RALGAPA2: variants seen among roughly 807,000 people sequenced by gnomAD.
RALGAPA2 encodes the protein ral GTPase-activating protein subunit alpha-2.
In RALGAPA2, 139 loss-of-function variants were observed where a neutral mutation model predicts 230.4. That is an observed-to-expected ratio of 0.60 (90% confidence interval 0.53 to 0.69). RALGAPA2 has a LOEUF of 0.69. RALGAPA2 is among the 30% of genes least tolerant of loss of function. The pLI, the probability that RALGAPA2 is intolerant of heterozygous loss-of-function variation, is 0.00. For synonymous variants in RALGAPA2, 847 were observed against 837.8 expected, an observed-to-expected ratio of 1.01 and a Z score of -0.19; for missense variants, 2,163 against 2,276.0, an observed-to-expected ratio of 0.95 and a Z score of 1.01.
chr20:20,449,319 G>A (rs1267088420), intron 37 of RALGAPA2, among the ~76,000 whole-genome samples: 1 of 152,196 alleles, frequency 6.6e-6, no homozygotes, highest in Non-Finnish European at 1.5e-5. Context: ...CATCCCCAGG[G>A]TTGAGGAAAG....
At chr20:20,517,282 G>A (rs769444918) in intron 31 of RALGAPA2, among the ~76,000 whole-genome samples, 2 of 152,176 alleles carry the variant, frequency 1.3e-5, no homozygotes, top group Non-Finnish European at 2.9e-5. Context: ...GAAACATTAG[G>A]ACAGGAGTGA....
At chr20:20,414,132 G>A (rs1196764357) in intron 37 of RALGAPA2, among the ~76,000 whole-genome samples, 1 of 152,216 alleles carries the variant, frequency 6.6e-6, no homozygotes, top group Non-Finnish European at 1.5e-5. Flanking sequence ...GGGGCTGAGC[G>A]AGGCGTGACA....
chr20:20,456,274 A>C (rs1226188058), intron 37 of RALGAPA2, among the ~76,000 whole-genome samples: 1 of 152,242 alleles, frequency 6.6e-6, no homozygotes, highest in Non-Finnish European at 1.5e-5. Context: ...ACTTCTTATG[A>C]TGTTAGATGC....
rs1219726032 is a variant in RALGAPA2 at position 20,505,461 on chromosome 20, C to T, written c.5002G>A (p.Glu1668Lys). 12 of 1,602,934 alleles carry T rather than the reference C, an allele frequency of 7.5e-6. No individual in the cohort carries two copies. The highest frequency in any genetic ancestry group is 1.3e-5 in the African/African-American group (1 of 74,788). The change falls in exon 34 of 40, where the codon GAA becomes AAA. Residue 1668 changes from glutamate to lysine, a missense_variant. Transcript: ENST00000202677. Reference protein sequence around the residue: ...QEDKCSILSNERGSQAYEDFV... With the variant: ...QEDKCSILSNKRGSQAYEDFV... ...TCTTCATATGCTTGGCTTCCTCTTT[C>T]ATTAGAGAGGATTGAACACTTGTCT... is the stretch of plus-strand genomic sequence containing the variant.
chr20:20,533,708 G>T (rs904820248), intron 26 of RALGAPA2, among the ~76,000 whole-genome samples: 2 of 152,102 alleles, frequency 1.3e-5, no homozygotes, highest in African/African-American at 4.8e-5. Flanking sequence ...GTTTATATGG[G>T]ATACTGACAA....
At chr20:20,413,472 A>G (rs1475593934) in intron 37 of RALGAPA2, among the ~76,000 whole-genome samples, 2 of 152,202 alleles carry the variant, frequency 1.3e-5, no homozygotes, top group Admixed American at 1.3e-4. Flanking sequence ...GGGCTGTGCT[A>G]TCCCATACAG....
In RALGAPA2 at chr20:20,643,555, A is replaced by G. The variant is rs1214200485; in HGVS notation, c.329-6T>C. On this transcript the variant is annotated splice_region_variant and splice_polypyrimidine_tract_variant and intron_variant, in intron 4 of 39. Transcript: ENST00000202677. ...AAGCTTCTTTAAAGTTGAGCCTGAA[A>G]GTTTAAAATAATGAATTATAAATAG... The G allele has an allele frequency of 2.0e-6, 3 of 1,464,080 alleles. No homozygotes were observed. 90.7% of individuals were successfully genotyped at this position (1,464,080 alleles called of 1,614,324 possible).
At chr20:20,468,971 GT>G (rs1704780634) in intron 37 of RALGAPA2, among the ~76,000 whole-genome samples, 2 of 151,380 alleles carry the variant, frequency 1.3e-5, no homozygotes, top group Admixed American at 6.6e-5. Flanking sequence ...GTTTGTGTGT[GT>G]GTGTGTGTGT....
intron 34 of RALGAPA2, 35 bp from the exon 35 acceptor site, chr20:20,503,541 C>A: frequency 1.4e-6 from 2 of 1,454,354 alleles, no homozygotes; most frequent in South Asian, 1.4e-5. Flanking sequence ...GAGTGAGGAT[C>A]AAAAATGAGC....
At position 20,573,003 on chromosome 20, in the gene RALGAPA2, G is replaced by T. The variant is rs771830550; in HGVS notation, c.2773C>A (p.Pro925Thr). Residue 925 changes from proline (P) to threonine (T), a missense_variant, in exon 21 of 40, where the codon CCA becomes ACA. Physicochemically the swap from Pro to Thr is conservative, Grantham distance 38 (BLOSUM62 -1). Transcript: ENST00000202677. ...IAGGSLTGWHPDSAAVLWRRV... is the reference protein window; with the variant it reads ...IAGGSLTGWHTDSAAVLWRRV... ...CGCCATAACACAGCAGCAGAGTCTG[G>T]GTGCCAACCAGTGAGGCTCCCCCCG... is the stretch of plus-strand genomic sequence containing the variant. The T allele has an allele frequency of 1.9e-6, 3 of 1,610,602 alleles. No individual in the cohort carries two copies. Among genetic ancestry groups the T allele is most frequent in the Non-Finnish European group, 2.5e-6 (3 of 1,178,518 alleles).
intron 38 of RALGAPA2, among the ~76,000 whole-genome samples, chr20:20,403,702 C>T (rs111880099): frequency 1.6e-4 from 24 of 152,344 alleles, no homozygotes; most frequent in African/African-American, 5.8e-4. Flanking sequence ...TGCTTCTCTG[C>T]ACCCTAGGGA....
chr20:20,600,961 G>C (rs565144379), intron 16 of RALGAPA2, among the ~76,000 whole-genome samples: 37 of 152,068 alleles, frequency 2.4e-4, no homozygotes, highest in Non-Finnish European at 5.0e-4. Context: ...TTAGCCGGGC[G>C]TCGTGGCACG....
chr20:20,632,148 C>T (rs928426475), intron 9 of RALGAPA2, among the ~76,000 whole-genome samples: 1 of 152,030 alleles, frequency 6.6e-6, no homozygotes, highest in African/African-American at 2.4e-5. Context: ...CCTCAGCCTC[C>T]TGAGTAGCTG....
At chr20:20,639,250 T>C (rs950747385) in intron 7 of RALGAPA2, among the ~76,000 whole-genome samples, 10 of 152,216 alleles carry the variant, frequency 6.6e-5, no homozygotes, top group African/African-American at 2.2e-4. Context: ...GAGAAGTATT[T>C]GCTGAGAAAA....
At chr20:20,692,420 C>T (rs903427365) in intron 1 of RALGAPA2, among the ~76,000 whole-genome samples, 5 of 152,158 alleles carry the variant, frequency 3.3e-5, no homozygotes, top group East Asian at 1.9e-4. Context: ...TCTCCAGCTC[C>T]TTCACCTCAC....
At chr20:20,592,131 C>A (rs1475945540) in intron 16 of RALGAPA2, among the ~76,000 whole-genome samples, 2 of 152,186 alleles carry the variant, frequency 1.3e-5, no homozygotes, top group Non-Finnish European at 2.9e-5. Flanking sequence ...TAATAGCCTG[C>A]AAACTAATCA....
intron 10 of RALGAPA2, 54 bp downstream of exon 10, chr20:20,629,309 C>A: frequency 7.1e-7 from 1 of 1,401,994 alleles, no homozygotes; most frequent in South Asian, 1.3e-5. Context: ...ATTTCCATTT[C>A]AAGAACTTGT....
intron 38 of RALGAPA2, among the ~76,000 whole-genome samples, chr20:20,397,657 C>T (rs2059745665): frequency 6.6e-6 from 1 of 152,108 alleles, no homozygotes; most frequent in Non-Finnish European, 1.5e-5. Context: ...TTCTGCTGAC[C>T]CCCTCTGCCA....
chr20:20,674,038 GA>G (rs1478617028), intron 3 of RALGAPA2, among the ~76,000 whole-genome samples: 12 of 151,266 alleles, frequency 7.9e-5, no homozygotes, highest in Admixed American at 6.6e-5. Flanking sequence ...AAATTAAAAA[GA>G]AAAAAAATTA....
Sources: gnomAD v4.1 joint callset for allele counts (sites outside exome capture counted in the v4.1 genomes callset) on GRCh38, gnomAD v4.1.1 for gene constraint, MANE v1.5 for transcripts, NCBI Gene and HGNC (gene_info 2026-07-23, HGNC 2026-07-21) for gene names.